PCDHGA2: variants seen among roughly 807,000 people sequenced by gnomAD.
The protein encoded by PCDHGA2 is protocadherin gamma-A2.
Under a neutral mutation model 59.2 loss-of-function variants are expected in PCDHGA2, and 40 were observed. The ratio of observed to expected loss-of-function variants is 0.68; its 90% CI spans 0.52 to 0.88. The LOEUF is 0.88. PCDHGA2 is among the 40% of genes least tolerant of loss of function. The pLI, the probability that PCDHGA2 is intolerant of heterozygous loss-of-function variation, is 0.00. For missense variants in PCDHGA2, 1,226 were observed against 1,204.0 expected, an observed-to-expected ratio of 1.02 and a Z score of -0.27; for synonymous variants, 560 against 526.0, an observed-to-expected ratio of 1.06 and a Z score of -0.89.
chr5:141,428,949 G>T (rs2097173007), intron 1 of PCDHGA2: 1 of 152,034 alleles, frequency 6.6e-6, no homozygotes, highest in Admixed American at 6.6e-5. Flanking sequence ...CTGCCTTCCG[G>T]GTTCTGGCCA....
Position 141,476,340 on chromosome 5 carries a change from G to A in PCDHGA2, c.2425-18467G>A, listed in dbSNP as rs760616287. The A allele has an allele frequency of 2.2e-5, 36 of 1,614,068 alleles. No homozygotes were observed. In the Admixed American group the frequency reaches 2.5e-4, roughly 11 times the overall value. On this transcript the variant is annotated intron_variant, in intron 1 of 3. Transcript: ENST00000394576. The surrounding 1 kb of genome is among the most constrained non-coding windows in gnomAD (Gnocchi z 7.6). The stretch of plus-strand genomic sequence containing the variant: ...CGGGTGGTGTCTGGAGCTAGCCGAA[G>A]ATTCTTTGAGGTGAACCGGGAGACC...
intron 1 of PCDHGA2, among the ~76,000 whole-genome samples, chr5:141,425,585 A>G (rs1270579511): frequency 6.6e-6 from 1 of 152,252 alleles, no homozygotes; most frequent in African/African-American, 2.4e-5. Flanking sequence ...GGCTAACTTT[A>G]TTCTGAATAT....
At position 141,339,126 on chromosome 5, in the gene PCDHGA2, T is replaced by G; in HGVS notation, c.155T>G (p.Leu52Trp). 1 of 1,614,238 alleles carries G rather than the reference T, an allele frequency of 6.2e-7. No homozygotes were observed. The highest frequency in any genetic ancestry group is 1.7e-5 in the Admixed American group (1 of 60,032). Reference protein sequence around the residue: ...GSFVGNIAKDLGLEPLALAEQ... With the variant: ...GSFVGNIAKDWGLEPLALAEQ... Reference sequence around the variant, plus strand: ...TTCGTAGGCAACATCGCCAAGGACTTGGGTTTGGAGCCCCTGGCACTGGCA... The same window carrying G: ...TTCGTAGGCAACATCGCCAAGGACTGGGGTTTGGAGCCCCTGGCACTGGCA... Residue 52 changes from leucine (L) to tryptophan (W), a missense_variant, in exon 1 of 4, where the codon TTG becomes TGG. Transcript: ENST00000394576.
chr5:141,360,354 A>G (rs757199550), intron 1 of PCDHGA2: 8 of 1,613,944 alleles, frequency 5.0e-6, no homozygotes, highest in Non-Finnish European at 6.8e-6. Context: ...CGGAGAAGGA[A>G]TATTTCACAG....
At chr5:141,459,723 T>G (rs1024452676) in intron 1 of PCDHGA2, among the ~76,000 whole-genome samples, 3 of 152,254 alleles carry the variant, frequency 2.0e-5, no homozygotes, top group African/African-American at 7.2e-5. Context: ...ATGCTTCCTA[T>G]TGTCAATTTT....
intron 1 of PCDHGA2, chr5:141,402,801 G>T (rs1218765657): frequency 1.2e-5 from 13 of 1,078,506 alleles, no homozygotes; most frequent in Non-Finnish European, 1.7e-5. Context: ...CACAAAACCC[G>T]GCAGATACCA....
intron 1 of PCDHGA2, chr5:141,355,420 C>T: frequency 6.2e-7 from 1 of 1,614,124 alleles, no homozygotes; most frequent in Non-Finnish European, 8.5e-7. Context: ...TAGGACGCAG[C>T]TTTTCGCCCT....
chr5:141,494,781 C>T, intron 1 of PCDHGA2, 26 bp from the exon 2 acceptor site: 1 of 1,614,074 alleles, frequency 6.2e-7, no homozygotes, highest in African/African-American at 1.3e-5. Flanking sequence ...GGGTACTCAG[C>T]CCCTTTCCCT....
chr5:141,414,106 CTAGA>C, intron 1 of PCDHGA2: 1 of 1,592,656 alleles, frequency 6.3e-7, no homozygotes, highest in Non-Finnish European at 8.6e-7. Flanking sequence ...ATCAGAAAAT[CTAGA>C]TTATGAAGAA....
intron 1 of PCDHGA2, chr5:141,393,544 A>T: frequency 6.2e-7 from 1 of 1,613,800 alleles, no homozygotes; most frequent in East Asian, 2.2e-5. Context: ...GTTTTTCCTC[A>T]CCCGATTTAC....
chr5:141,472,009 G>A (rs917861040), intron 1 of PCDHGA2, among the ~76,000 whole-genome samples: 11 of 152,074 alleles, frequency 7.2e-5, no homozygotes, highest in African/African-American at 2.7e-4. Flanking sequence ...TCGTATAGGG[G>A]CACTATATTG....
chr5:141,377,638 G>T (rs1588842725), intron 1 of PCDHGA2: 1 of 151,416 alleles, frequency 6.6e-6, no homozygotes, highest in East Asian at 1.9e-4. Flanking sequence ...TTTTCTCAGT[G>T]TTACTTGATA....
At position 141,431,159 on chromosome 5, in the gene PCDHGA2, C is replaced by T. The variant is rs1017606383; in HGVS notation, c.2425-63648C>T. Reference sequence around the variant, plus strand: ...CATTAACGACAATGCGCCTTACTTTCGTGAAAGTGAATTAGAAATAAAAAT... The same window carrying T: ...CATTAACGACAATGCGCCTTACTTTTGTGAAAGTGAATTAGAAATAAAAAT... On this transcript the variant is annotated intron_variant, in intron 1 of 3. Transcript: ENST00000394576. The surrounding 1 kb of genome is among the most constrained non-coding windows in gnomAD (Gnocchi z 4.8). 1 of 1,614,158 alleles carries T rather than the reference C, an allele frequency of 6.2e-7. No individual in the cohort carries two copies. The highest frequency in any genetic ancestry group is 1.3e-5 in the African/African-American group (1 of 75,046).
chr5:141,483,289 A>G (rs1446467890), intron 1 of PCDHGA2, among the ~76,000 whole-genome samples: 3 of 152,194 alleles, frequency 2.0e-5, no homozygotes, highest in Admixed American at 2.0e-4. Flanking sequence ...TCTGTCAGTC[A>G]TAAGTGAAGG....
intron 1 of PCDHGA2, among the ~76,000 whole-genome samples, chr5:141,380,036 A>G (rs956010393): frequency 3.3e-5 from 5 of 151,364 alleles, no homozygotes; most frequent in African/African-American, 1.2e-4. Flanking sequence ...AGTAGCTGGG[A>G]TTACAGGTGC....
intron 1 of PCDHGA2, chr5:141,471,533 G>C (rs921328911): frequency 1.3e-5 from 2 of 152,234 alleles, no homozygotes. Context: ...AGGAAGCTAT[G>C]ATAGCATTTA....
Position 141,485,920 on chromosome 5 carries a change from T to C in PCDHGA2, c.2425-8887T>C, listed in dbSNP as rs1374948804. ...CCTTCCAGCAATCCAGCTACAGGAT[T>C]AGTGTGTTGGAGAGCGCACCAGCGG... On this transcript the variant is annotated intron_variant, in intron 1 of 3. Transcript: ENST00000394576. This position sits in a 1 kb window ranked among gnomAD's most constrained non-coding sequence, Gnocchi z 5.7. 1.2e-6 allele frequency: 2 copies of C among 1,614,038 alleles called. No individual in the cohort carries two copies. Among genetic ancestry groups the C allele is most frequent in the Non-Finnish European group, 1.7e-6 (2 of 1,180,010 alleles).
chr5:141,394,534 G>T (rs751746485), intron 1 of PCDHGA2: 2 of 1,614,074 alleles, frequency 1.2e-6, no homozygotes, highest in Non-Finnish European at 1.7e-6. Flanking sequence ...GGTTCCACTG[G>T]CGTGGAGCTG....
intron 1 of PCDHGA2, chr5:141,393,004 T>C (rs781030004): frequency 1.2e-6 from 2 of 1,613,554 alleles, no homozygotes; most frequent in Middle Eastern, 1.7e-4. Flanking sequence ...AAGCACGGAG[T>C]CCGTATCGTC....
Sources: gnomAD v4.1 joint callset for allele counts (sites outside exome capture counted in the v4.1 genomes callset) on GRCh38, gnomAD v4.1.1 for gene constraint, Gnocchi (gnomAD v3.1) non-coding constraint, MANE v1.5 for transcripts, NCBI Gene and HGNC (gene_info 2026-07-23, HGNC 2026-07-21) for gene names.